KAZN: variants seen among roughly 807,000 people sequenced by gnomAD.
The protein encoded by KAZN is kazrin, periplakin interacting protein, also known as kazrin.
KAZN carries 40 observed loss-of-function variants against 87.4 expected under a neutral mutation model. That is an observed-to-expected ratio of 0.46 (90% CI 0.36 to 0.60). The LOEUF (loss-of-function observed/expected upper bound fraction) is 0.60, where lower values mean the gene tolerates loss of function less well. Ranked by LOEUF, KAZN falls within the 20% of genes least tolerant of loss-of-function variation. The pLI, the probability that KAZN is intolerant of heterozygous loss-of-function variation, is 0.00. For synonymous variants in KAZN, 466 were observed against 458.3 expected (o/e 1.02, Z -0.22); for missense variants, 898 against 1,073.9 (o/e 0.84, Z 2.29).
chr1:14,380,116 T>C (rs1026871457), intron 2 of KAZN, among the ~76,000 whole-genome samples: 13 of 152,222 alleles, frequency 8.5e-5, no homozygotes, highest in African/African-American at 3.1e-4. Context: ...TATCCAAGAC[T>C]ACCAAGGCAG....
intron 1 of KAZN, among the ~76,000 whole-genome samples, chr1:14,173,232 A>AAT (rs1645994197): frequency 6.6e-6 from 1 of 152,238 alleles, no homozygotes; most frequent in African/African-American, 2.4e-5. Flanking sequence ...AAGAAAGAGT[A>AAT]CAAGCATCTT....
intron 1 of KAZN, among the ~76,000 whole-genome samples, chr1:14,797,130 G>A (rs1645852865): frequency 6.6e-6 from 1 of 151,980 alleles, no homozygotes; most frequent in African/African-American, 2.4e-5. Context: ...GCATGATCTC[G>A]GCTCACTGCA....
chr1:14,939,626 T>C (rs573144608), intron 1 of KAZN, among the ~76,000 whole-genome samples: 4 of 152,120 alleles, frequency 2.6e-5, no homozygotes, highest in East Asian at 1.9e-4. Flanking sequence ...TGCCTCTGCA[T>C]TGGGACGTGC....
At chr1:15,060,518 G>T in intron 6 of KAZN, 1 of 639,056 alleles carries the variant, frequency 1.6e-6, no homozygotes. Flanking sequence ...GTCCGGGAGG[G>T]TGAGGAGAAT....
At chr1:14,022,064 G>A (rs538216412) in intron 1 of KAZN, among the ~76,000 whole-genome samples, 9 of 146,330 alleles carry the variant, frequency 6.2e-5, no homozygotes, top group South Asian at 2.2e-4. Flanking sequence ...ATGCCGTCCC[G>A]GGTAAATAAA....
chr1:14,996,836 G>T lies in KAZN; in HGVS notation c.418+35961G>T, dbSNP rs2101986048. 6.6e-6 allele frequency among the ~76,000 whole-genome samples: 1 copy of T among 152,336 alleles called. No individual in the cohort carries two copies. The highest frequency in any genetic ancestry group is 2.1e-4 in the South Asian group (1 of 4,826). ...CTCCAGGGCCTGCATGTGGGGCACT[G>T]GGAGGGAGGGCCGTTTGCCTGCGGC... On this transcript the variant is annotated intron_variant, in intron 2 of 14. Coordinates refer to ENST00000376030, the MANE Select transcript of KAZN (RefSeq NM_201628.3). This position sits in a 1 kb window ranked among gnomAD's most constrained non-coding sequence, Gnocchi z 5.9.
intron 2 of KAZN, among the ~76,000 whole-genome samples, chr1:14,531,470 G>A (rs1672205230): frequency 6.6e-6 from 1 of 152,184 alleles, no homozygotes; most frequent in Non-Finnish European, 1.5e-5. Context: ...GAACCCATCA[G>A]GATCACGTTG....
chr1:14,212,144 C>T (rs947949111), intron 2 of KAZN, among the ~76,000 whole-genome samples: 7 of 152,186 alleles, frequency 4.6e-5, no homozygotes, highest in African/African-American at 1.7e-4. Flanking sequence ...CCATGGCCAT[C>T]CCCCTTCTTT....
chr1:14,525,364 T>C lies in KAZN; in HGVS notation c.250-73619T>C, dbSNP rs1671807474. 2.6e-5 allele frequency among the ~76,000 whole-genome samples: 4 copies of C among 152,244 alleles called. No individual in the cohort carries two copies. The South Asian group carries it at 8.3e-4, about 31-fold the overall frequency. On this transcript the variant is annotated intron_variant, in intron 2 of 16. Transcript: ENST00000636203. ...CAACTTTTTTCTGTAAAGGGCCAGT[T>C]ACTGTGTGAGGCTTTTGAACCATGA...
rs1301468838 is a variant in KAZN, at chr1:14,610,466, A to T, written c.226+11243A>T. Among the ~76,000 whole-genome samples, 5 of 151,594 alleles carry T rather than the reference A, an allele frequency of 3.3e-5. No homozygotes were observed. In the East Asian group the frequency reaches 7.8e-4, roughly 24 times the overall value. ...TCTCGATCTCCTGACCTCGTGATCG[A>T]CCCACCTCAGCCTCCCAAAGTGCTG... On this transcript the variant is annotated intron_variant, in intron 1 of 14. Transcript: ENST00000376030.
intron 13 of KAZN, chr1:15,112,130 C>T: frequency 4.4e-6 from 2 of 450,338 alleles, no homozygotes; most frequent in South Asian, 2.6e-5. Flanking sequence ...AGCCTGAGTT[C>T]AGATCTTGAT....
chr1:14,638,280 C>T (rs185783412), intron 1 of KAZN, among the ~76,000 whole-genome samples: 1 of 152,212 alleles, frequency 6.6e-6, no homozygotes, highest in East Asian at 1.9e-4. Context: ...CAAAAAATAA[C>T]TGGGGTGGTG....
chr1:14,971,613 G>C (rs937928166), intron 2 of KAZN, among the ~76,000 whole-genome samples: 2 of 151,602 alleles, frequency 1.3e-5, no homozygotes, highest in African/African-American at 4.8e-5. Flanking sequence ...AGAGGATCTG[G>C]AAGTGGGTGT....
chr1:14,405,846 A>AT (rs756676048), intron 2 of KAZN, among the ~76,000 whole-genome samples: 126 of 150,498 alleles, frequency 8.4e-4, no homozygotes, highest in Middle Eastern at 3.4e-3. Context: ...GGCAGGAGGC[A>AT]TTTTTTCTTA....
intron 2 of KAZN, among the ~76,000 whole-genome samples, chr1:14,419,266 G>A (rs1236585160): frequency 1.3e-5 from 2 of 152,188 alleles, no homozygotes; most frequent in Non-Finnish European, 2.9e-5. Context: ...GAGAAATTCA[G>A]TGACTTTCCC....
intron 1 of KAZN, among the ~76,000 whole-genome samples, chr1:13,930,382 C>T (rs1234455875): frequency 6.6e-6 from 1 of 152,178 alleles, no homozygotes; most frequent in Non-Finnish European, 1.5e-5. Flanking sequence ...CCTGTCGACC[C>T]ACAAATGAGA....
chr1:14,214,343 G>T (rs1646916128), intron 2 of KAZN, among the ~76,000 whole-genome samples: 1 of 152,070 alleles, frequency 6.6e-6, no homozygotes, highest in Admixed American at 6.6e-5. Flanking sequence ...GCCAGTGGGG[G>T]CTGTGTTGGT....
intron 1 of KAZN, among the ~76,000 whole-genome samples, chr1:14,106,292 C>T (rs1644372737): frequency 6.6e-6 from 1 of 152,224 alleles, no homozygotes; most frequent in Non-Finnish European, 1.5e-5. Context: ...GTTGTCTCCA[C>T]AATCCCCAGG....
intron 2 of KAZN, among the ~76,000 whole-genome samples, chr1:14,348,768 G>A (rs1337741252): frequency 6.6e-6 from 1 of 152,186 alleles, no homozygotes; most frequent in African/African-American, 2.4e-5. Flanking sequence ...GGATGGTCTT[G>A]TACAATTTTC....
Sources: allele counts gnomAD v4.1 joint callset (sites outside exome capture counted in the v4.1 genomes callset), GRCh38; gene constraint gnomAD v4.1.1; non-coding constraint Gnocchi (gnomAD v3.1); transcripts MANE v1.5; gene names NCBI Gene and HGNC (gene_info 2026-07-23, HGNC 2026-07-21).